Variants in SYNPO observed in about 807,000 individuals in gnomAD.
The protein encoded by SYNPO is synaptopodin.
Under a neutral mutation model 49.5 loss-of-function variants are expected in SYNPO, and 19 were observed. That is an observed-to-expected ratio of 0.38 (90% CI 0.27 to 0.56). The LOEUF (loss-of-function observed/expected upper bound fraction) is 0.56, where lower values mean the gene tolerates loss of function less well. SYNPO is among the 20% of genes least tolerant of loss of function. The pLI is 0.68. For missense variants in SYNPO, 1,131 were observed against 1,248.3 expected (o/e 0.91, Z 1.42); for synonymous variants, 536 against 548.0 (o/e 0.98, Z 0.31).
chr5:150,588,438 C>G, the SYNPO span, among the ~76,000 whole-genome samples: 2 of 152,200 alleles, frequency 1.3e-5, no homozygotes, highest in African/African-American at 4.8e-5. Flanking sequence ...TTCCCCTCCC[C>G]CAGAGCCAGC....
At chr5:150,635,733 G>A (rs919145274), upstream of SYNPO, among the ~76,000 whole-genome samples, 2 of 152,166 alleles carry the variant, frequency 1.3e-5, no homozygotes, top group Admixed American at 6.5e-5. Flanking sequence ...AAAGTGCTGG[G>A]ATTATAGGTG....
chr5:150,620,601 C>T (rs1001993232), intron 2 of SYNPO, among the ~76,000 whole-genome samples: 16 of 152,286 alleles, frequency 1.1e-4, no homozygotes, highest in East Asian at 1.9e-4. Context: ...GTGTTGTCTG[C>T]GGACATCTTG....
chr5:150,612,358 T>C (rs1419024976), intron 1 of SYNPO, among the ~76,000 whole-genome samples: 3 of 152,216 alleles, frequency 2.0e-5, no homozygotes, highest in Non-Finnish European at 2.9e-5. Flanking sequence ...TCATTTGATA[T>C]ATATTACGCA....
the SYNPO span, among the ~76,000 whole-genome samples, chr5:150,586,757 TA>T: frequency 2.0e-5 from 3 of 152,252 alleles, no homozygotes; most frequent in Non-Finnish European, 4.4e-5. Context: ...CCCTGGAATA[TA>T]GTAAAAACCT....
rs141537311 is a variant in SYNPO at position 150,652,362 on chromosome 5, C to G, written c.2028+2059C>G. 1.3e-3 allele frequency: 1,236 copies of G among 986,996 alleles called. 5 individuals are homozygous for G. The highest frequency in any genetic ancestry group is 0.01 in the African/African-American group (576 of 57,350). The allele number at this position is 986,996 out of a possible 1,614,324, so 61.1% of individuals were successfully genotyped here. On this transcript the variant is annotated intron_variant, in intron 2 of 2. Transcript: ENST00000307662. Reference sequence around the variant, plus strand: ...ATCCGTCTTGCTTCTTTCTTTCTTCCGTGCTGCTAGGGGTCAGGGTTCCCT... The same window carrying G: ...ATCCGTCTTGCTTCTTTCTTTCTTCGGTGCTGCTAGGGGTCAGGGTTCCCT...
chr5:150,628,699 AG>A (rs1219979222), intron 2 of SYNPO, among the ~76,000 whole-genome samples: 1 of 152,210 alleles, frequency 6.6e-6, no homozygotes, highest in Admixed American at 6.5e-5. Context: ...ACCTGAGGTC[AG>A]GGGTTTGAGA....
At chr5:150,618,920 G>A (rs1757062487) in intron 2 of SYNPO, among the ~76,000 whole-genome samples, 1 of 152,156 alleles carries the variant, frequency 6.6e-6, no homozygotes, top group Non-Finnish European at 1.5e-5. Flanking sequence ...TGGAGAGATA[G>A]GAGCGACAGC....
At chr5:150,618,296 G>GCTGGCCCCAGCCCAGGCC in exon 2 of SYNPO, 1 of 1,471,114 alleles carries the variant, frequency 6.8e-7, no homozygotes, top group Non-Finnish European at 9.0e-7. Context: ...GGCTCACACA[G>GCTGGCCCCAGCCCAGGCC]CTGGCCCCAG....
intron 2 of SYNPO, among the ~76,000 whole-genome samples, chr5:150,619,804 C>T (rs1003936339): frequency 5.9e-5 from 9 of 152,232 alleles, no homozygotes; most frequent in African/African-American, 1.7e-4. Flanking sequence ...CCACTCTTCT[C>T]TCTGAAATAA....
At chr5:150,594,562 C>G in the SYNPO span, among the ~76,000 whole-genome samples, 1 of 152,196 alleles carries the variant, frequency 6.6e-6, no homozygotes, top group African/African-American at 2.4e-5. Flanking sequence ...ATTCCTTCCC[C>G]TCTCCCTGGG....
At chr5:150,635,865 G>A (rs1757698822), upstream of SYNPO, among the ~76,000 whole-genome samples, 1 of 152,172 alleles carries the variant, frequency 6.6e-6, no homozygotes, top group African/African-American at 2.4e-5. Flanking sequence ...TGTTCCCTCT[G>A]CCTGCACTGT....
chr5:150,656,558 T>C lies in SYNPO; in HGVS notation c.2183T>C (p.Met728Thr). ...SPPPLPPPPP[M>T]SPSWSERSVS... The stretch of plus-strand genomic sequence containing the variant: ...CCGCCGCTGCCGCCGCCACCGCCCA[T>C]GTCTCCCTCGTGGAGCGAGCGCTCG... The change falls in exon 3 of 3, where the codon ATG becomes ACG. Residue 728 changes from methionine to threonine, a missense_variant. Around this residue, in one of 4 missense-constraint regions of SYNPO, gnomAD observed 509 missense variants for 484.5 expected, o/e 1.05. Transcript: ENST00000307662. 2.0e-6 allele frequency: 3 copies of C among 1,527,480 alleles called. No individual in the cohort carries two copies. The highest frequency in any genetic ancestry group is 2.6e-6 in the Non-Finnish European group (3 of 1,143,834). The allele number at this position is 1,527,480 out of a possible 1,614,324, so 94.6% of individuals were successfully genotyped here. A position where few individuals can be genotyped will look rare whatever the true frequency, so the allele number is the denominator to read the frequency against.
rs142079099 is a variant in SYNPO, at chr5:150,648,447, C to T, written c.172C>T (p.Pro58Ser). 228 of 1,614,090 alleles carry T rather than the reference C, an allele frequency of 1.4e-4. No homozygotes were observed. Among genetic ancestry groups the T allele is most frequent in the Admixed American group, 2.0e-4 (12 of 60,006 alleles). The change falls in exon 2 of 3, where the codon CCT becomes TCT. Residue 58 changes from proline to serine, a missense_variant. Pro to Ser is a moderately conservative substitution (Grantham distance 74). This residue lies in a region of SYNPO where 602 missense variants were observed against 720.7 expected (regional missense o/e 0.84). Coordinates refer to ENST00000307662, the MANE Select transcript of SYNPO (RefSeq NM_007286.6). This position sits in a 1 kb window ranked among gnomAD's most constrained non-coding sequence, Gnocchi z 5.0. ...REAQQSSPAP[P>S]PAEVHSPAAD... ...GGCCCAGCAGTCCTCACCGGCCCCA[C>T]CTCCAGCTGAGGTCCACAGCCCAGC...
At chr5:150,622,314 C>G (rs1757205952) in intron 2 of SYNPO, among the ~76,000 whole-genome samples, 1 of 152,146 alleles carries the variant, frequency 6.6e-6, no homozygotes, top group Non-Finnish European at 1.5e-5. Context: ...TTTTAACCAC[C>G]CTCTCTACTG....
At position 150,656,975 on chromosome 5, in the gene SYNPO, C is replaced by G. The variant is rs763837449; in HGVS notation, c.2600C>G (p.Ser867Cys). 9 of 1,595,284 alleles carry G rather than the reference C, an allele frequency of 5.6e-6. No homozygotes were observed. The highest frequency in any genetic ancestry group is 7.7e-6 in the Non-Finnish European group (9 of 1,171,812). Residue 867 changes from serine (S) to cysteine (C), a missense_variant, in exon 3 of 3, where the codon TCC (serine) becomes TGC (cysteine). Physicochemically the swap from Ser to Cys is moderately radical, Grantham distance 112. This residue lies in a region of SYNPO where 509 missense variants were observed against 484.5 expected (regional missense o/e 1.05). Transcript: ENST00000307662. ...DSDVSLDSED[S>C]GAKSPGILGY... ...GACGTGTCCCTCGACTCCGAGGACTCCGGGGCTAAGTCTCCAGGCATCCTG... is the reference window on the plus strand; with the variant it reads ...GACGTGTCCCTCGACTCCGAGGACTGCGGGGCTAAGTCTCCAGGCATCCTG...
intron 2 of SYNPO, chr5:150,650,795 C>T (rs1414613162): frequency 9.3e-6 from 12 of 1,291,252 alleles, no homozygotes; most frequent in Non-Finnish European, 7.9e-6. Flanking sequence ...GGGCCTCCCT[C>T]CTGAGGCTCA....
Position 150,645,311 on chromosome 5 carries a change from T to G in SYNPO, c.-332-2633T>G, listed in dbSNP as rs554317874. Among the ~76,000 whole-genome samples the G allele has an allele frequency of 3.9e-5, 6 of 152,234 alleles. No individual in the cohort carries two copies. The East Asian group carries it at 1.2e-3, about 29-fold the overall frequency. ...CAAGGGAGGGGAGGGCAGGGTCAGATTCCTCAAGAACTAATTAGCTTCCCA... is the reference window on the plus strand; with the variant it reads ...CAAGGGAGGGGAGGGCAGGGTCAGAGTCCTCAAGAACTAATTAGCTTCCCA... On this transcript the variant is annotated intron_variant, in intron 1 of 2. Transcript: ENST00000307662.
At chr5:150,637,235 T>C (rs766809395), upstream of SYNPO, among the ~76,000 whole-genome samples, 2 of 152,088 alleles carry the variant, frequency 1.3e-5, no homozygotes, top group Non-Finnish European at 2.9e-5. Flanking sequence ...CTGAATGGAT[T>C]CGGGAGTGAG....
the SYNPO span, among the ~76,000 whole-genome samples, chr5:150,593,526 A>G: frequency 6.6e-6 from 1 of 151,816 alleles, no homozygotes; most frequent in East Asian, 1.9e-4. Context: ...CAGTGATATG[A>G]TCTCCGTTCA....
Sources: gnomAD v4.1 joint callset for allele counts (sites outside exome capture counted in the v4.1 genomes callset) on GRCh38, gnomAD v4.1.1 for gene constraint, gnomAD v4.1.1 regional missense constraint, Gnocchi (gnomAD v3.1) non-coding constraint, MANE v1.5 for transcripts, NCBI Gene and HGNC (gene_info 2026-07-23, HGNC 2026-07-21) for gene names.